The following LGMN variants were observed in gnomAD, a reference collection of about 807,000 sequenced individuals.
LGMN encodes asparaginyl endopeptidase.
LGMN carries 36 observed loss-of-function variants against 56.8 expected under a neutral mutation model. The ratio of observed to expected loss-of-function variants is 0.63; its 90% CI spans 0.49 to 0.84. LGMN has a LOEUF of 0.84. LGMN is among the 40% of genes least tolerant of loss of function. The pLI is 0.00. For synonymous variants in LGMN, 199 were observed against 210.1 expected, an observed-to-expected ratio of 0.95 and a Z score of 0.46; for missense variants, 446 against 556.1, an observed-to-expected ratio of 0.80 and a Z score of 1.99.
At chr14:92,715,300 C>G (rs1351671811) in intron 5 of LGMN, among the ~76,000 whole-genome samples, 1 of 152,040 alleles carries the variant, frequency 6.6e-6, no homozygotes, top group Non-Finnish European at 1.5e-5. Flanking sequence ...CTCACTGCAA[C>G]CTCCACCTCC....
intron 1 of LGMN, among the ~76,000 whole-genome samples, chr14:92,743,660 G>A (rs985917240): frequency 2.0e-5 from 3 of 152,038 alleles, no homozygotes; most frequent in Middle Eastern, 3.2e-3. Context: ...AATTAGCCAG[G>A]CATGGTAGCA....
At chr14:92,735,741 C>A (rs764246192) in intron 1 of LGMN, among the ~76,000 whole-genome samples, 38 of 152,102 alleles carry the variant, frequency 2.5e-4, no homozygotes, top group Non-Finnish European at 5.3e-4. Context: ...AGCTCCACTG[C>A]AAGGTCAATG....
chr14:92,748,452 G>T, intron 1 of LGMN, 37 bp downstream of exon 1: 1 of 153,636 alleles, frequency 6.5e-6, no homozygotes, highest in South Asian at 1.8e-4. Context: ...TCGGGCGTGG[G>T]GACTGAACCC....
At chr14:92,712,146 C>A (rs1029460563) in intron 8 of LGMN, among the ~76,000 whole-genome samples, 191 bp from the exon 9 acceptor site, 3 of 152,080 alleles carry the variant, frequency 2.0e-5, no homozygotes, top group Non-Finnish European at 4.4e-5. Flanking sequence ...AAATTAAATG[C>A]GGAAGAAAGA....
intron 10 of LGMN, among the ~76,000 whole-genome samples, chr14:92,710,107 C>T (rs1462099365): frequency 2.0e-5 from 3 of 152,180 alleles, no homozygotes; most frequent in East Asian, 3.9e-4. Context: ...AGGCAATGCA[C>T]GGGAGCCCCT....
intron 2 of LGMN, among the ~76,000 whole-genome samples, chr14:92,719,245 GCCA>G (rs1302998421): frequency 1.4e-3 from 33 of 22,838 alleles, no homozygotes; most frequent in Admixed American, 3.9e-3. Flanking sequence ...CGCCACCACC[GCCA>G]CCACCACCAC....
chr14:92,723,492 G>A (rs1385571382), intron 2 of LGMN, among the ~76,000 whole-genome samples: 1 of 152,192 alleles, frequency 6.6e-6, no homozygotes, highest in Non-Finnish European at 1.5e-5. Context: ...AAATGGGCAG[G>A]CAAAACGTGG....
At position 92,709,721 on chromosome 14, in the gene LGMN, T is replaced by C. The variant is rs745439068; in HGVS notation, c.971A>G (p.Asp324Gly). The change falls in exon 11 of 14, where the codon GAT becomes GGT. Residue 324 changes from aspartate (D) to glycine (G), a missense_variant. Transcript: ENST00000334869. ...CGTGAGCTGCCTGGACTCCTCCAGA[T>C]CATTGGTGTTCATCAGTTTCCTTTT... Reference protein sequence around the residue: ...IMKRKLMNTNDLEESRQLTEE... With the variant: ...IMKRKLMNTNGLEESRQLTEE... 6.2e-7 allele frequency: 1 copy of C among 1,613,980 alleles called. No individual in the cohort carries two copies. Among genetic ancestry groups the C allele is most frequent in the South Asian group, 1.1e-5 (1 of 91,064 alleles).
intron 2 of LGMN, among the ~76,000 whole-genome samples, chr14:92,720,854 T>G (rs2071713450): frequency 6.6e-6 from 1 of 152,208 alleles, no homozygotes; most frequent in African/African-American, 2.4e-5. Context: ...CCTGGATTAT[T>G]CCAGTGGCCC....
intron 10 of LGMN, among the ~76,000 whole-genome samples, chr14:92,710,280 C>T (rs975885261): frequency 6.6e-6 from 1 of 152,264 alleles, no homozygotes; most frequent in African/African-American, 2.4e-5. Context: ...CAAAGAATGT[C>T]ACCTGCAAAG....
chr14:92,709,695 C>A lies in LGMN; in HGVS notation c.997G>T (p.Glu333Ter), dbSNP rs1224077154. 2 of 1,613,504 alleles carry A rather than the reference C, an allele frequency of 1.2e-6. No individual in the cohort carries two copies. The highest frequency in any genetic ancestry group is 2.7e-5 in the African/African-American group (2 of 74,918). Reference protein sequence around the residue: ...NDLEESRQLTEEIQRHLDARH... With the variant: ...NDLEESRQLT ...ACATCCAGATGCCGCTGGATCTCCTCCGTGAGCTGCCTGGACTCCTCCAGA... is the reference window on the plus strand; with the variant it reads ...ACATCCAGATGCCGCTGGATCTCCTACGTGAGCTGCCTGGACTCCTCCAGA... The change falls in exon 11 of 14, where the codon GAG (glutamate) becomes TAG (stop). Residue 333 changes from glutamate (E) to a stop codon, truncating the protein, a stop_gained. Transcript: ENST00000334869. LOFTEE classifies it high-confidence loss of function.
At chr14:92,716,023 T>A (rs1164954399) in intron 5 of LGMN, 113 bp downstream of exon 5, 4 of 707,088 alleles carry the variant, frequency 5.7e-6, no homozygotes, top group Non-Finnish European at 9.6e-6. Flanking sequence ...CTCTCCACTC[T>A]GTAATTTCTC....
At chr14:92,705,485 A>G (rs1013486452) in intron 12 of LGMN, among the ~76,000 whole-genome samples, 6 of 150,280 alleles carry the variant, frequency 4.0e-5, no homozygotes, top group Non-Finnish European at 7.4e-5. Flanking sequence ...CTGGGCAACA[A>G]GAGCAAAACT....
At chr14:92,742,306 C>G (rs7401328) in intron 1 of LGMN, among the ~76,000 whole-genome samples, 1 of 92,502 alleles carries the variant, frequency 1.1e-5, no homozygotes, top group Non-Finnish European at 1.9e-5. Context: ...TTTTTTTTTT[C>G]TTTTTTTTTG....
intron 2 of LGMN, among the ~76,000 whole-genome samples, chr14:92,730,164 G>C (rs1890975718): frequency 6.6e-6 from 1 of 152,180 alleles, no homozygotes; most frequent in Non-Finnish European, 1.5e-5. Flanking sequence ...AGGTTAGAGG[G>C]GGAGAAGAAA....
intron 2 of LGMN, among the ~76,000 whole-genome samples, chr14:92,727,192 A>AG (rs35792499): frequency 0.68 from 103,800 of 151,728 alleles, 37,372 homozygotes; most frequent in African/African-American, 0.91. Context: ...GCACTTTGGG[A>AG]GCTGAGGCGG....
chr14:92,718,684 T>G, intron 3 of LGMN, 63 bp downstream of exon 3: 1 of 1,069,014 alleles, frequency 9.4e-7, no homozygotes, highest in Non-Finnish European at 1.5e-6. Flanking sequence ...TGTGAGTCTA[T>G]GTGACCTTTT....
intron 5 of LGMN, among the ~76,000 whole-genome samples, chr14:92,715,431 G>T (rs1453864580): frequency 6.6e-6 from 1 of 152,204 alleles, no homozygotes; most frequent in African/African-American, 2.4e-5. Flanking sequence ...GGCCAGGCTG[G>T]TCTTCAACTC....
In LGMN at chr14:92,703,838, T is replaced by A. The variant is rs1040179533; in HGVS notation, c.*481A>T. 4 of 332,644 alleles carry A rather than the reference T, an allele frequency of 1.2e-5. No individual in the cohort carries two copies. The highest frequency in any genetic ancestry group is 2.3e-5 in the Non-Finnish European group (4 of 177,262). 20.6% of individuals were successfully genotyped at this position (332,644 alleles called of 1,614,324 possible). ...GGTTCTGTTATAAATCTTTATTTTT[T>A]AAGACTTGAACACCTGCAGAATTAA... On this transcript the variant is annotated 3_prime_UTR_variant, in exon 14 of 14. Transcript: ENST00000334869.
Sources: gnomAD v4.1 joint callset for allele counts (sites outside exome capture counted in the v4.1 genomes callset) on GRCh38, gnomAD v4.1.1 for gene constraint, MANE v1.5 for transcripts, NCBI Gene and HGNC (gene_info 2026-07-23, HGNC 2026-07-21) for gene names.